Variants in ZNF497 observed in about 807,000 individuals in gnomAD.
ZNF497 encodes the protein zinc finger protein 497.
For missense variants in ZNF497, 930 were observed against 714.0 expected, an observed-to-expected ratio of 1.30 and a Z score of -3.45; for synonymous variants, 422 against 313.7, an observed-to-expected ratio of 1.35 and a Z score of -3.65.
At chr19:58,360,466 C>G (rs537079495) in intron 1 of ZNF497, among the ~76,000 whole-genome samples, 1 of 152,196 alleles carries the variant, frequency 6.6e-6, no homozygotes, top group South Asian at 2.1e-4. Context: ...ATCTTCCCAC[C>G]TCAGCCTCCG....
Position 58,355,805 on chromosome 19 carries a change from T to C in ZNF497, c.*334A>G, listed in dbSNP as rs891812057. 18 of 265,694 alleles carry C rather than the reference T, an allele frequency of 6.8e-5. No homozygotes were observed. The highest frequency in any genetic ancestry group is 1.1e-4 in the Non-Finnish European group (15 of 141,444). 16.5% of individuals were successfully genotyped at this position (265,694 alleles called of 1,614,324 possible). On this transcript the variant is annotated 3_prime_UTR_variant, in exon 3 of 3. Transcript: ENST00000311044. ...GGGGTGGGTTGGCTGCTTTTGACAG[T>C]GCCAGAGAACTCAAAGAAATAGCCA...
Position 58,357,578 on chromosome 19 carries a change from A to G in ZNF497, c.58T>C (p.Cys20Arg). ...CCCCTCGTGGCAGTCTTCACATTGC[A>G]GAGGACCTGGCCTTCCTCTGGGGCC... ...QVAPEEGQVL[C>R]NVKTATRGLS... Residue 20 changes from cysteine (C) to arginine (R), a missense_variant, in exon 3 of 3, where the codon TGC (cysteine) becomes CGC (arginine). Physicochemically the swap from Cys to Arg is radical, Grantham distance 180. Transcript: ENST00000311044. The G allele has an allele frequency of 6.3e-7, 1 of 1,591,300 alleles. No individual in the cohort carries two copies. The highest frequency in any genetic ancestry group is 8.5e-7 in the Non-Finnish European group (1 of 1,169,992).
intron 1 of ZNF497, 143 bp downstream of exon 1, chr19:58,362,534 C>G (rs1478576239): frequency 6.6e-6 from 1 of 152,090 alleles, no homozygotes; most frequent in Non-Finnish European, 1.5e-5. Context: ...CCGGGCCGCT[C>G]TGGACGGCGC....
Position 58,354,763 on chromosome 19 carries a change from G to C in ZNF497, c.*1376C>G, listed in dbSNP as rs2051999633. On this transcript the variant is annotated 3_prime_UTR_variant, in exon 3 of 3. Transcript: ENST00000311044. ...TGCAGAAGAGACAACCAGGTGCTGA[G>C]GCCTGAAGTCATAACCAGACCTGGG... 6.6e-6 allele frequency: 1 copy of C among 152,540 alleles called. No homozygotes were observed. Among genetic ancestry groups the C allele is most frequent in the Admixed American group, 6.5e-5 (1 of 15,288 alleles). The allele number at this position is 152,540 out of a possible 1,614,324, so 9.4% of individuals were successfully genotyped here.
Position 58,358,541 on chromosome 19 carries a change from C to T in ZNF497, c.-67G>A, listed in dbSNP as rs1405815263. The T allele has an allele frequency of 8.4e-7, 1 of 1,186,774 alleles. No individual in the cohort carries two copies. The highest frequency in any genetic ancestry group is 3.5e-4 in the Middle Eastern group (1 of 2,860). 73.5% of individuals were successfully genotyped at this position (1,186,774 alleles called of 1,614,324 possible). The stretch of plus-strand genomic sequence containing the variant: ...GGGGAGCCTCTTGCTCCTCTCCCTC[C>T]TCTGTCCTGGGGACCAGCTCCTCTT... On this transcript the variant is annotated 5_prime_UTR_variant, in exon 2 of 3. Coordinates refer to ENST00000311044, the MANE Select transcript of ZNF497 (RefSeq NM_198458.3).
At chr19:58,358,681 C>T (rs779298769) in intron 1 of ZNF497, 96 bp from the exon 2 acceptor site, 1 of 538,154 alleles carries the variant, frequency 1.9e-6, no homozygotes, top group South Asian at 1.6e-5. Flanking sequence ...CCCTTCTCTG[C>T]ACCTTCAGTT....
In ZNF497 at chr19:58,354,573, G is replaced by A. The variant is rs2051997677; in HGVS notation, c.*1566C>T. The A allele has an allele frequency of 1.3e-5, 2 of 152,364 alleles. No homozygotes were observed. Among genetic ancestry groups the A allele is most frequent in the Non-Finnish European group, 2.9e-5 (2 of 68,124 alleles). 9.4% of individuals were successfully genotyped at this position (152,364 alleles called of 1,614,324 possible). On this transcript the variant is annotated 3_prime_UTR_variant, in exon 3 of 3. Coordinates refer to ENST00000311044, the MANE Select transcript of ZNF497 (RefSeq NM_198458.3). ...TGATGAAGACCAGCTGGGCACTGCA[G>A]CGGCTCTGGCTTCTGCTGTGAGGGA...
At position 58,356,125 on chromosome 19, in the gene ZNF497, A is replaced by G. The variant is rs1203959617; in HGVS notation, c.*14T>C. On this transcript the variant is annotated 3_prime_UTR_variant, in exon 3 of 3. Coordinates refer to ENST00000311044, the MANE Select transcript of ZNF497 (RefSeq NM_198458.3). ...GCCGTGTGTCCGCGACCTCCCGCTC[A>G]GGGCGTCCTCGGGTCAGGGCGCAGC... 1 of 1,523,138 alleles carries G rather than the reference A, an allele frequency of 6.6e-7. No individual in the cohort carries two copies. Among genetic ancestry groups the G allele is most frequent in the East Asian group, 2.3e-5 (1 of 43,590 alleles). The allele number at this position is 1,523,138 out of a possible 1,614,324, so 94.4% of individuals were successfully genotyped here. A position where few individuals can be genotyped will look rare whatever the true frequency, so the allele number is the denominator to read the frequency against.
chr19:58,361,188 G>A (rs937927236), intron 1 of ZNF497, among the ~76,000 whole-genome samples: 19 of 151,822 alleles, frequency 1.3e-4, no homozygotes, highest in Non-Finnish European at 2.2e-4. Context: ...TGCAACATTC[G>A]TAAAATGACA....
Position 58,356,551 on chromosome 19 carries a change from T to C in ZNF497, c.1085A>G (p.Gln362Arg), listed in dbSNP as rs751347257. 9.4e-5 allele frequency: 145 copies of C among 1,547,884 alleles called. No homozygotes were observed. Among genetic ancestry groups the C allele is most frequent in the Non-Finnish European group, 1.2e-4 (141 of 1,151,352 alleles). Residue 362 changes from glutamine (Q) to arginine (R), a missense_variant, in exon 3 of 3, where the codon CAG (glutamine) becomes CGG (arginine). Transcript: ENST00000311044. ...HTGEKPHACA[Q>R]CGKAFSQRSN... ...GCGCTGGCTGAAGGCCTTGCCGCAC[T>C]GGGCGCACGCATGAGGCTTCTCGCC...
At position 58,357,092 on chromosome 19, in the gene ZNF497, C is replaced by T. The variant is rs748744290; in HGVS notation, c.544G>A (p.Glu182Lys). The T allele has an allele frequency of 5.0e-6, 8 of 1,607,498 alleles. No homozygotes were observed. The South Asian group carries it at 6.6e-5, about 13-fold the overall frequency. ...RAHSQLIHHQ[E>K]THSGLKPFRC... Reference sequence around the variant, plus strand: ...AAGGGCTTCAGGCCGCTGTGTGTCTCCTGGTGGTGGATGAGCTGCGAGTGC... The same window carrying T: ...AAGGGCTTCAGGCCGCTGTGTGTCTTCTGGTGGTGGATGAGCTGCGAGTGC... Residue 182 changes from glutamate (E) to lysine (K), a missense_variant, in exon 3 of 3, where the codon GAG (glutamate) becomes AAG (lysine). Physicochemically the swap from Glu to Lys is moderately conservative, Grantham distance 56. Transcript: ENST00000311044.
In ZNF497 at chr19:58,357,082, C is replaced by T; in HGVS notation, c.554G>A (p.Ser185Asn). 6.2e-7 allele frequency: 1 copy of T among 1,607,780 alleles called. No homozygotes were observed. The highest frequency in any genetic ancestry group is 2.2e-5 in the East Asian group (1 of 44,758). The change falls in exon 3 of 3, where the codon AGC (serine) becomes AAC (asparagine). Residue 185 changes from serine (S) to asparagine (N), a missense_variant. Coordinates refer to ENST00000311044, the MANE Select transcript of ZNF497 (RefSeq NM_198458.3). Reference protein sequence around the residue: ...SQLIHHQETHSGLKPFRCPDC... With the variant: ...SQLIHHQETHNGLKPFRCPDC... ...CGGGCAGCGGAAGGGCTTCAGGCCGCTGTGTGTCTCCTGGTGGTGGATGAG... is the reference window on the plus strand; with the variant it reads ...CGGGCAGCGGAAGGGCTTCAGGCCGTTGTGTGTCTCCTGGTGGTGGATGAG...
chr19:58,357,200 T>C lies in ZNF497; in HGVS notation c.436A>G (p.Ser146Gly), dbSNP rs1425308586. The C allele has an allele frequency of 3.1e-6, 5 of 1,612,326 alleles. No individual in the cohort carries two copies. The highest frequency in any genetic ancestry group is 4.2e-6 in the Non-Finnish European group (5 of 1,179,538). The change falls in exon 3 of 3, where the codon AGC (serine) becomes GGC (glycine). Residue 146 changes from serine to glycine, a missense_variant. Coordinates refer to ENST00000311044, the MANE Select transcript of ZNF497 (RefSeq NM_198458.3). ...CGCTGGTGCTGGCTGAGGTTGGAGC[T>C]CCAGGCGAAGGCCTTGCCGCACTCG... ...CPECGKAFAW[S>G]SNLSQHQRIH...
intron 2 of ZNF497, chr19:58,357,899 C>T: frequency 7.3e-7 from 1 of 1,371,556 alleles, no homozygotes; most frequent in East Asian, 2.8e-5. Context: ...CCCGGCCCAG[C>T]AGGAGGGGAG....
In ZNF497 at chr19:58,356,406, TC is replaced by T. The variant is rs1314601090; in HGVS notation, c.1229del (p.Gly410GlufsTer49). On this transcript the variant is annotated frameshift_variant, in exon 3 of 3. Transcript: ENST00000311044. Reference protein sequence around the residue: ...GLAHHRLSHTGERPFACAECG... With the variant: ...GLAHHRLSHTXERPFACAECG... ...ATTCTGCGCAGGCGAAGGGTCGCTC[TC>T]CCGTGTGCGAAAGCCGGTGGTGCGC... is the stretch of plus-strand genomic sequence containing the variant. 1.3e-6 allele frequency: 2 copies of T among 1,562,330 alleles called. No homozygotes were observed. The highest frequency in any genetic ancestry group is 4.7e-5 in the East Asian group (2 of 42,638).
chr19:58,354,698 G>C lies in ZNF497; in HGVS notation c.*1441C>G, dbSNP rs552332010. 9.2e-5 allele frequency: 14 copies of C among 152,568 alleles called. No homozygotes were observed. The highest frequency in any genetic ancestry group is 3.1e-4 in the African/African-American group (13 of 41,474). 9.5% of individuals were successfully genotyped at this position (152,568 alleles called of 1,614,324 possible). On this transcript the variant is annotated 3_prime_UTR_variant, in exon 3 of 3. Coordinates refer to ENST00000311044, the MANE Select transcript of ZNF497 (RefSeq NM_198458.3). The stretch of plus-strand genomic sequence containing the variant: ...TGCTCAGAGCCAGTACCTGGATGGA[G>C]GCTGTGTGTTCTGGGTGGACTGGGG...
rs189043379 is a variant in ZNF497 at position 58,357,683 on chromosome 19, G to A, written c.-14-34C>T. ...GGAGAGAAAAGGCAAGTACCTTAGAGAATACAAAGAACACCAGACAGAGGG... is the reference window on the plus strand; with the variant it reads ...GGAGAGAAAAGGCAAGTACCTTAGAAAATACAAAGAACACCAGACAGAGGG... On this transcript the variant is annotated intron_variant, in intron 2 of 2. Transcript: ENST00000311044. 6.3e-5 allele frequency: 94 copies of A among 1,496,272 alleles called. No individual in the cohort carries two copies. In the African/African-American group the frequency reaches 1.3e-3, roughly 20 times the overall value. 92.7% of individuals were successfully genotyped at this position (1,496,272 alleles called of 1,614,324 possible).
intron 1 of ZNF497, chr19:58,358,818 CA>C (rs1417619808): frequency 2.2e-6 from 1 of 457,376 alleles, no homozygotes; most frequent in African/African-American, 2.0e-5. Context: ...TCTCAGCCAC[CA>C]ACCCACGACT....
intron 1 of ZNF497, among the ~76,000 whole-genome samples, chr19:58,360,093 T>C (rs2052074803): frequency 6.6e-6 from 1 of 152,172 alleles, no homozygotes; most frequent in Non-Finnish European, 1.5e-5. Flanking sequence ...TGTTATTCCA[T>C]TTATGTGAAA....
Sources: gnomAD v4.1 joint callset for allele counts (sites outside exome capture counted in the v4.1 genomes callset) on GRCh38, gnomAD v4.1.1 for gene constraint, MANE v1.5 for transcripts, NCBI Gene and HGNC (gene_info 2026-07-23, HGNC 2026-07-21) for gene names.